Variants in NYNRIN observed in about 807,000 individuals in gnomAD.
NYNRIN encodes the protein protein NYNRIN.
In NYNRIN, 86 loss-of-function variants were observed where a neutral mutation model predicts 146.6. That is an observed-to-expected ratio of 0.59 (90% CI 0.49 to 0.70). The LOEUF (loss-of-function observed/expected upper bound fraction) is 0.70. Among genes scored for constraint, NYNRIN ranks in the 30% least tolerant of loss-of-function variants. NYNRIN has a pLI of 0.00. For synonymous variants in NYNRIN, 1,027 were observed against 1,001.3 expected, an observed-to-expected ratio of 1.03 and a Z score of -0.48; for missense variants, 2,191 against 2,377.7, an observed-to-expected ratio of 0.92 and a Z score of 1.63.
Position 24,417,369 on chromosome 14 carries a change from T to C in NYNRIN, c.5620T>C (p.Cys1874Arg), listed in dbSNP as rs750509257. 1.3e-6 allele frequency: 2 copies of C among 1,591,846 alleles called. No homozygotes were observed. Among genetic ancestry groups the C allele is most frequent in the East Asian group, 2.3e-5 (1 of 43,920 alleles). ...CTTCCCAACCCCAGAGAAGCTGGGG[T>C]GCATCTATCCCAGCAGTCTGATGAA... ...WGFPTPEKLG[C>R]IYPSSLMKAF... The change falls in exon 9 of 9, where the codon TGC (cysteine) becomes CGC (arginine). Residue 1874 changes from cysteine (C) to arginine (R), a missense_variant. This residue lies in a region of NYNRIN where 1,291 missense variants were observed against 1,417.0 expected (regional missense o/e 0.91). Transcript: ENST00000382554.
intron 2 of NYNRIN, among the ~76,000 whole-genome samples, chr14:24,407,210 G>A (rs1418341279): frequency 6.6e-6 from 1 of 152,232 alleles, no homozygotes; most frequent in East Asian, 1.9e-4. Flanking sequence ...CCTTGGGCAA[G>A]CTGCATAGCT....
chr14:24,400,864 G>GC (rs2042838086), intron 2 of NYNRIN, among the ~76,000 whole-genome samples: 1 of 150,706 alleles, frequency 6.6e-6, no homozygotes, highest in Admixed American at 6.6e-5. Flanking sequence ...GCTCACTGCA[G>GC]CCTCCACCTC....
chr14:24,414,662 C>T lies in NYNRIN; in HGVS notation c.2913C>T (p.Val971=). 1 of 1,613,710 alleles carries T rather than the reference C, an allele frequency of 6.2e-7. No individual in the cohort carries two copies. Among genetic ancestry groups the T allele is most frequent in the Non-Finnish European group, 8.5e-7 (1 of 1,179,758 alleles). ...CCCTTCCTCCCAGCTCAGCCAGTGTCACTGAGCTGAGTGATGACGCTGACT... is the reference window on the plus strand; with the variant it reads ...CCCTTCCTCCCAGCTCAGCCAGTGTTACTGAGCTGAGTGATGACGCTGACT... ...WKTLPPSSAS[V]TELSDDADSG... is the part of the protein sequence containing the mutation. The change falls in exon 9 of 9, where the codon GTC becomes GTT. Residue 971 remains valine (V), a synonymous_variant. Coordinates refer to ENST00000382554, the MANE Select transcript of NYNRIN (RefSeq NM_025081.3).
rs1252242091 is a variant in NYNRIN, at chr14:24,409,353, A to AAC, written c.1560_1561insCA (p.Gly521GlnfsTer10). ...CCCGCTCCAGTGCTGCCAACAGGGC[A>AAC]AGGGAAGCCCGTGGCTCAAGGGGGG... On this transcript the variant is annotated frameshift_variant, in exon 4 of 9. Transcript: ENST00000382554. LOFTEE classifies it high-confidence loss of function. 8 of 1,613,930 alleles carry AAC rather than the reference A, an allele frequency of 5.0e-6. No individual in the cohort carries two copies. Among genetic ancestry groups the AAC allele is most frequent in the Non-Finnish European group, 5.1e-6 (6 of 1,179,898 alleles).
intron 1 of NYNRIN, 57 bp from the exon 2 acceptor site, chr14:24,399,173 G>A: frequency 1.4e-6 from 2 of 1,447,336 alleles, no homozygotes; most frequent in South Asian, 1.2e-5. Flanking sequence ...TGGGGCTGGG[G>A]GCTGGGGCGC....
At position 24,407,132 on chromosome 14, in the gene NYNRIN, C is replaced by G. The variant is rs549531198; in HGVS notation, c.199-737C>G. ...TGAAGCTCGAGTCTCACATGATTAC[C>G]CTGTAGTCACTGTGGTCTGCCAGAG... On this transcript the variant is annotated intron_variant, in intron 2 of 8. Transcript: ENST00000382554. 2.6e-5 allele frequency among the ~76,000 whole-genome samples: 4 copies of G among 152,234 alleles called. No individual in the cohort carries two copies. In the East Asian group the frequency reaches 7.7e-4, roughly 29 times the overall value.
At chr14:24,399,465 C>T (rs745975230) in intron 2 of NYNRIN, 21 bp downstream of exon 2, 1 of 1,583,254 alleles carries the variant, frequency 6.3e-7, no homozygotes, top group South Asian at 1.1e-5. Context: ...TCTCCCCACC[C>T]CCACCCATCT....
chr14:24,415,588 G>A lies in NYNRIN; in HGVS notation c.3839G>A (p.Gly1280Glu). Reference sequence around the variant, plus strand: ...TTGGCCCTCCTCCAGGGCCTGCTGGGGGAGAACCGCCTGCTCACCCCCGCG... The same window carrying A: ...TTGGCCCTCCTCCAGGGCCTGCTGGAGGAGAACCGCCTGCTCACCCCCGCG... ...LELALLQGLL[G>E]ENRLLTPAAS... Residue 1280 changes from glycine to glutamate, a missense_variant, in exon 9 of 9, where the codon GGG (glycine) becomes GAG (glutamate). Gly to Glu is a moderately conservative substitution (Grantham distance 98). Transcript: ENST00000382554. The A allele has an allele frequency of 1.2e-6, 2 of 1,613,950 alleles. No individual in the cohort carries two copies. The highest frequency in any genetic ancestry group is 1.7e-6 in the Non-Finnish European group (2 of 1,179,882).
rs1057399322 is a variant in NYNRIN at position 24,418,327 on chromosome 14, G to C, written c.*881G>C. ...TAAGGGGGCAGGGCGTCTGCAACAG[G>C]AGTGGCACACGGTGAAGTGCTGGCA... On this transcript the variant is annotated 3_prime_UTR_variant, in exon 9 of 9. Coordinates refer to ENST00000382554, the MANE Select transcript of NYNRIN (RefSeq NM_025081.3). 7 of 455,316 alleles carry C rather than the reference G, an allele frequency of 1.5e-5. No homozygotes were observed. Among genetic ancestry groups the C allele is most frequent in the Non-Finnish European group, 3.1e-5 (7 of 226,320 alleles). The allele number at this position is 455,316 out of a possible 1,614,324, so 28.2% of individuals were successfully genotyped here. A position where few individuals can be genotyped will look rare whatever the true frequency, so the allele number is the denominator to read the frequency against.
At chr14:24,399,165 G>A in intron 1 of NYNRIN, 65 bp from the exon 2 acceptor site, 3 of 1,361,644 alleles carry the variant, frequency 2.2e-6, no homozygotes, top group Non-Finnish European at 1.0e-6. Flanking sequence ...TAGGCGCCTG[G>A]GGCTGGGGGC....
At position 24,416,945 on chromosome 14, in the gene NYNRIN, G is replaced by T. The variant is rs1387405897; in HGVS notation, c.5196G>T (p.Leu1732=). The T allele has an allele frequency of 1.3e-6, 2 of 1,588,770 alleles. No homozygotes were observed. Among genetic ancestry groups the T allele is most frequent in the Non-Finnish European group, 1.7e-6 (2 of 1,165,964 alleles). Residue 1732 remains leucine, a synonymous_variant, in exon 9 of 9, where the codon CTG becomes CTT. Transcript: ENST00000382554. ...FKRALKEFIF[L]HGKKWAASLP... is the part of the protein sequence containing the mutation. ...GGGCCCTCAAGGAGTTCATCTTCCTGCATGGGAAGAAGTGGGCGGCCTCCC... is the reference window on the plus strand; with the variant it reads ...GGGCCCTCAAGGAGTTCATCTTCCTTCATGGGAAGAAGTGGGCGGCCTCCC...
rs199832125 is a variant in NYNRIN, at chr14:24,409,534, C to T, written c.1740C>T (p.His580=). The part of the protein sequence containing the change: ...LPTSRMMLAV[H]TEPAAPEVPL... Reference sequence around the variant, plus strand: ...CATCTCGAATGATGCTGGCAGTGCACACAGAGCCTGCAGCTCCCGAAGTGC... The same window carrying T: ...CATCTCGAATGATGCTGGCAGTGCATACAGAGCCTGCAGCTCCCGAAGTGC... Residue 580 remains histidine (H), a synonymous_variant, in exon 4 of 9, where the codon CAC becomes CAT. Coordinates refer to ENST00000382554, the MANE Select transcript of NYNRIN (RefSeq NM_025081.3). The T allele has an allele frequency of 6.2e-7, 1 of 1,612,816 alleles. No homozygotes were observed. The highest frequency in any genetic ancestry group is 8.5e-7 in the Non-Finnish European group (1 of 1,179,332).
Position 24,417,673 on chromosome 14 carries a change from T to G in NYNRIN, c.*227T>G, listed in dbSNP as rs1594744688. 1.9e-6 allele frequency: 1 copy of G among 537,994 alleles called. No homozygotes were observed. The highest frequency in any genetic ancestry group is 3.2e-5 in the East Asian group (1 of 31,614). The allele number at this position is 537,994 out of a possible 1,614,324, so 33.3% of individuals were successfully genotyped here. A position where few individuals can be genotyped will look rare whatever the true frequency, so the allele number is the denominator to read the frequency against. On this transcript the variant is annotated 3_prime_UTR_variant, in exon 9 of 9. Transcript: ENST00000382554. The stretch of plus-strand genomic sequence containing the variant: ...AGAATTTGCCAAAGGCTGTCAGATA[T>G]GGGTCCCTGGCAGTTTTACACTGGG...
Position 24,416,588 on chromosome 14 carries a change from C to G in NYNRIN, c.4839C>G (p.Pro1613=). 3 of 1,613,974 alleles carry G rather than the reference C, an allele frequency of 1.9e-6. No individual in the cohort carries two copies. In the South Asian group the frequency reaches 3.3e-5, roughly 18 times the overall value. The change falls in exon 9 of 9, where the codon CCC becomes CCG. Residue 1613 remains proline (P), a synonymous_variant. Coordinates refer to ENST00000382554, the MANE Select transcript of NYNRIN (RefSeq NM_025081.3). The part of the protein sequence containing the change: ...ESPWPLRSTA[P]WSNLQIEVVG... ...CATGGCCCCTCAGGTCGACCGCCCCCTGGTCGAACCTGCAGATCGAGGTGG... is the reference window on the plus strand; with the variant it reads ...CATGGCCCCTCAGGTCGACCGCCCCGTGGTCGAACCTGCAGATCGAGGTGG...
In NYNRIN at chr14:24,411,535, T is replaced by C; in HGVS notation, c.2642+85T>C. ...CAGGTGGAGTCCGGCCTGTCTTCTC[T>C]GGGGAAATGGAGGCAAACATGTTGG... is the stretch of plus-strand genomic sequence containing the variant. On this transcript the variant is annotated intron_variant, in intron 6 of 8. Coordinates refer to ENST00000382554, the MANE Select transcript of NYNRIN (RefSeq NM_025081.3). The surrounding 1 kb of genome is among the most constrained non-coding windows in gnomAD (Gnocchi z 4.3). 1 of 1,184,886 alleles carries C rather than the reference T, an allele frequency of 8.4e-7. No individual in the cohort carries two copies. Among genetic ancestry groups the C allele is most frequent in the Admixed American group, 1.8e-5 (1 of 54,806 alleles). The allele number at this position is 1,184,886 out of a possible 1,614,324, so 73.4% of individuals were successfully genotyped here. A position where few individuals can be genotyped will look rare whatever the true frequency, so the allele number is the denominator to read the frequency against.
At chr14:24,401,190 G>C (rs1398570052) in intron 2 of NYNRIN, among the ~76,000 whole-genome samples, 1 of 152,172 alleles carries the variant, frequency 6.6e-6, no homozygotes, top group Non-Finnish European at 1.5e-5. Flanking sequence ...GCTGCTTCAG[G>C]GTTCTTCGGA....
chr14:24,408,299 G>C lies in NYNRIN; in HGVS notation c.629G>C (p.Gly210Ala). Residue 210 changes from glycine (G) to alanine (A), a missense_variant, in exon 3 of 9, where the codon GGC (glycine) becomes GCC (alanine). Transcript: ENST00000382554. ...ATCATCGAGTGGCTCAGCCGCTTCG[G>C]CATCTCTGACTCCCACTCCGATCCG... ...EDIIEWLSRF[G>A]ISDSHSDPEV... 6.2e-7 allele frequency: 1 copy of C among 1,612,998 alleles called. No homozygotes were observed. The highest frequency in any genetic ancestry group is 8.5e-7 in the Non-Finnish European group (1 of 1,179,900).
rs952861137 is a variant in NYNRIN, at chr14:24,411,247, A to C, written c.2545+41A>C. ...CCTGCCCAGCCTCCACAGTGTCACC[A>C]AGCTTTCTTCTCTCTGCCTTGCTGC... On this transcript the variant is annotated intron_variant, in intron 5 of 8. Transcript: ENST00000382554. The surrounding 1 kb of genome is among the most constrained non-coding windows in gnomAD (Gnocchi z 4.3). 6.2e-7 allele frequency: 1 copy of C among 1,610,946 alleles called. No homozygotes were observed.
chr14:24,408,466 G>T lies in NYNRIN; in HGVS notation c.796G>T (p.Ala266Ser). Reference sequence around the variant, plus strand: ...TTCAAAGAGATTATCTAGCCTGGGAGCCACTGGGTCCCTGATCACAGCCCA... The same window carrying T: ...TTCAAAGAGATTATCTAGCCTGGGATCCACTGGGTCCCTGATCACAGCCCA... ...ENSKRLSSLG[A>S]TGSLITAQST... The change falls in exon 3 of 9, where the codon GCC (alanine) becomes TCC (serine). Residue 266 changes from alanine (A) to serine (S), a missense_variant. Ala to Ser is a moderately conservative substitution (Grantham distance 99, BLOSUM62 1). This residue lies in a region of NYNRIN where 895 missense variants were observed against 941.2 expected (regional missense o/e 0.95). Coordinates refer to ENST00000382554, the MANE Select transcript of NYNRIN (RefSeq NM_025081.3). The T allele has an allele frequency of 6.2e-7, 1 of 1,610,676 alleles. No individual in the cohort carries two copies. Among genetic ancestry groups the T allele is most frequent in the Non-Finnish European group, 8.5e-7 (1 of 1,178,172 alleles).
Sources: allele counts gnomAD v4.1 joint callset (sites outside exome capture counted in the v4.1 genomes callset), GRCh38; gene constraint gnomAD v4.1.1; regional missense constraint gnomAD v4.1.1; non-coding constraint Gnocchi (gnomAD v3.1); transcripts MANE v1.5; gene names NCBI Gene and HGNC (gene_info 2026-07-23, HGNC 2026-07-21).